ETV7: variants seen among roughly 807,000 people sequenced by gnomAD.
ETV7 encodes transcription factor ETV7.
A neutral mutation model predicts 39.1 loss-of-function variants in ETV7; 43 were observed. That is an observed-to-expected ratio of 1.10 (90% CI 0.86 to 1.42). The LOEUF (loss-of-function observed/expected upper bound fraction) is 1.42, where lower values mean the gene tolerates loss of function less well. Ranked by LOEUF, ETV7 falls within the 40% of genes most tolerant of loss-of-function variation. The pLI is 0.00. For synonymous variants in ETV7, 196 were observed against 176.6 expected, an observed-to-expected ratio of 1.11 and a Z score of -0.87; for missense variants, 432 against 442.3, an observed-to-expected ratio of 0.98 and a Z score of 0.21.
Position 36,385,679 on chromosome 6 carries a change from G to A in ETV7, c.7-10C>T. On this transcript the variant is annotated splice_polypyrimidine_tract_variant and intron_variant, in intron 1 of 7. Coordinates refer to ENST00000340181, the MANE Select transcript of ETV7 (RefSeq NM_016135.4). The stretch of plus-strand genomic sequence containing the variant: ...TAGCCAATTCTCCCTCCTAGAGAGA[G>A]AAAAACCAGGACAGTCAAAGAAGAG... The A allele has an allele frequency of 1.3e-6, 2 of 1,594,380 alleles. No individual in the cohort carries two copies. Among genetic ancestry groups the A allele is most frequent in the Admixed American group, 1.8e-5 (1 of 54,680 alleles).
intron 3 of ETV7, 67 bp downstream of exon 3, chr6:36,375,804 G>A (rs778002694): frequency 6.2e-7 from 1 of 1,609,270 alleles, no homozygotes; most frequent in Non-Finnish European, 8.5e-7. Context: ...GGGCCCCCCG[G>A]GGGTACTTGG....
Position 36,385,654 on chromosome 6 carries a change from T to G in ETV7, c.22A>C (p.Ile8Leu). ...GCTGCCACAGGGCTTATAGGAGAAA[T>G]AGCCAATTCTCCCTCCTAGAGAGAG... MQEGELAISPISPVAAMP... is the reference protein window; with the variant it reads MQEGELALSPISPVAAMP... The change falls in exon 2 of 8, where the codon ATT becomes CTT. Residue 8 changes from isoleucine (I) to leucine (L), a missense_variant. Physicochemically the swap from Ile to Leu is conservative, Grantham distance 5 (BLOSUM62 2). Coordinates refer to ENST00000340181, the MANE Select transcript of ETV7 (RefSeq NM_016135.4). 1.2e-6 allele frequency: 2 copies of G among 1,612,720 alleles called. No homozygotes were observed. Among genetic ancestry groups the G allele is most frequent in the African/African-American group, 1.3e-5 (1 of 74,908 alleles).
At chr6:36,364,709 A>G (rs1293370880), downstream of ETV7, among the ~76,000 whole-genome samples, 1 of 152,166 alleles carries the variant, frequency 6.6e-6, no homozygotes, top group African/African-American at 2.4e-5. Context: ...AGGGCTCCTC[A>G]AGTGCCGCCA....
At chr6:36,363,288 C>T (rs537153836), downstream of ETV7, among the ~76,000 whole-genome samples, 4 of 151,580 alleles carry the variant, frequency 2.6e-5, no homozygotes, top group South Asian at 2.1e-4. Flanking sequence ...CTGGTGGGTT[C>T]GTGGTCTCGC....
At chr6:36,372,379 T>A (rs980204715) in intron 4 of ETV7, among the ~76,000 whole-genome samples, 63 of 152,004 alleles carry the variant, frequency 4.1e-4, no homozygotes, top group African/African-American at 1.5e-3. Context: ...GAACTGCACT[T>A]GGACTCCGAG....
At chr6:36,377,326 G>A (rs1773427159) in intron 2 of ETV7, among the ~76,000 whole-genome samples, 1 of 152,108 alleles carries the variant, frequency 6.6e-6, no homozygotes, top group African/African-American at 2.4e-5. Flanking sequence ...ATTTAGCCGG[G>A]CATAGTGATG....
intron 3 of ETV7, among the ~76,000 whole-genome samples, chr6:36,375,444 A>G (rs2127394438): frequency 6.6e-6 from 1 of 152,328 alleles, no homozygotes; most frequent in Non-Finnish European, 1.5e-5. Context: ...TTTCTGGTTA[A>G]AATCAAAAGT....
At chr6:36,385,803 G>T in intron 1 of ETV7, 134 bp from the exon 2 acceptor site, 1 of 916,104 alleles carries the variant, frequency 1.1e-6, no homozygotes, top group Non-Finnish European at 1.6e-6. Context: ...AACCTTAAAG[G>T]TAGGAACCAT....
At chr6:36,368,675 C>T (rs1772845266) in intron 6 of ETV7, among the ~76,000 whole-genome samples, 1 of 152,164 alleles carries the variant, frequency 6.6e-6, no homozygotes, top group Admixed American at 6.5e-5. Flanking sequence ...GCTTCTAAAG[C>T]CTGAAATACT....
downstream of ETV7, among the ~76,000 whole-genome samples, chr6:36,361,867 T>C (rs144154654): frequency 5.9e-5 from 9 of 152,376 alleles, no homozygotes; most frequent in African/African-American, 2.2e-4. Flanking sequence ...TCCTGCTTTT[T>C]AAAATTCTTT....
At chr6:36,371,705 G>C (rs775752800) in intron 4 of ETV7, 145 bp from the exon 5 acceptor site, 19 of 717,420 alleles carry the variant, frequency 2.6e-5, no homozygotes, top group Non-Finnish European at 4.0e-5. Context: ...AGGTCAGGGA[G>C]GCAGTGGGGG....
chr6:36,361,631 C>A (rs183065521), downstream of ETV7, among the ~76,000 whole-genome samples: 124 of 152,304 alleles, frequency 8.1e-4, no homozygotes, highest in African/African-American at 2.6e-3. Context: ...AAGGAAAAAG[C>A]CTTTCTAAGA....
downstream of ETV7, among the ~76,000 whole-genome samples, chr6:36,365,093 G>C (rs987109309): frequency 6.6e-6 from 1 of 152,168 alleles, no homozygotes; most frequent in Non-Finnish European, 1.5e-5. Flanking sequence ...TTTCCTGACC[G>C]GCTGGGGGCA....
chr6:36,357,202 G>C (rs947544508), intron 7 of ETV7, among the ~76,000 whole-genome samples: 1 of 152,178 alleles, frequency 6.6e-6, no homozygotes, highest in Non-Finnish European at 1.5e-5. Flanking sequence ...AAGCCTAAAA[G>C]GTCCAGGGGA....
At chr6:36,373,065 G>A (rs907697862) in intron 4 of ETV7, among the ~76,000 whole-genome samples, 3 of 151,496 alleles carry the variant, frequency 2.0e-5, no homozygotes, top group Non-Finnish European at 1.5e-5. Context: ...TTTGGGGGAA[G>A]GAAGGAGAGG....
intron 7 of ETV7, among the ~76,000 whole-genome samples, chr6:36,355,395 CTT>C (rs1184198286): frequency 7.0e-5 from 10 of 143,604 alleles, no homozygotes; most frequent in South Asian, 2.2e-4. Flanking sequence ...TGTTCATAGA[CTT>C]TTTTTTTTTT....
At chr6:36,376,812 G>A (rs1773388361) in intron 2 of ETV7, among the ~76,000 whole-genome samples, 1 of 150,488 alleles carries the variant, frequency 6.6e-6, no homozygotes, top group South Asian at 2.1e-4. Flanking sequence ...GGATGTTATT[G>A]TTTCCCAAAT....
chr6:36,354,323 T>A (rs1265780649), exon 8 of ETV7: 1 of 188,108 alleles, frequency 5.3e-6, no homozygotes, highest in East Asian at 1.2e-4. Context: ...TAAGACACAA[T>A]GGCCTAATCC....
chr6:36,379,823 C>T (rs1169709902), intron 2 of ETV7, among the ~76,000 whole-genome samples: 1 of 150,604 alleles, frequency 6.6e-6, no homozygotes, highest in African/African-American at 2.4e-5. Flanking sequence ...TTGCAGTGAG[C>T]TGAGATCAAG....
Sources: allele counts gnomAD v4.1 joint callset (sites outside exome capture counted in the v4.1 genomes callset), GRCh38; gene constraint gnomAD v4.1.1; transcripts MANE v1.5; gene names NCBI Gene and HGNC (gene_info 2026-07-23, HGNC 2026-07-21).